CLDN2: variants seen among roughly 807,000 people sequenced by gnomAD.
CLDN2 encodes the protein claudin 2, also known as claudin-2.
In CLDN2, 1 loss-of-function variant was observed where a neutral mutation model predicts 8.2. The ratio of observed to expected loss-of-function variants is 0.12; its 90% CI spans 0.04 to 0.58. The LOEUF is 0.58. CLDN2 is among the 20% of genes least tolerant of loss of function. The pLI is 0.90. For missense variants in CLDN2, 108 were observed against 172.9 expected (o/e 0.62, Z 2.11); for synonymous variants, 70 against 70.2 (o/e 1.00, Z 0.01).
chrX:106,910,450 C>T (rs1200789309), intron 1 of CLDN2, among the ~76,000 whole-genome samples: 1 of 110,222 alleles, frequency 9.1e-6, no homozygotes. Context: ...TGCCTGTAAT[C>T]CCAGCACTTT....
Position 106,928,323 on chromosome X carries a change from C to A in CLDN2, c.95C>A (p.Thr32Lys). The A allele has an allele frequency of 8.3e-7, 1 of 1,211,937 alleles. No homozygotes were observed. Among genetic ancestry groups the A allele is most frequent in the Non-Finnish European group, 1.1e-6 (1 of 895,452 alleles). ...GCCATGCTGCTCCCCAGCTGGAAAA[C>A]AAGTTCTTATGTCGGTGCCAGCATT... ...LVAMLLPSWK[T>K]SSYVGASIVT... Residue 32 changes from threonine (T) to lysine (K), a missense_variant, in exon 2 of 2, where the codon ACA becomes AAA. By Grantham distance (78) the Thr-to-Lys change is moderately conservative. Transcript: ENST00000336803.
At chrX:106,927,937 T>TA (rs2147795566) in intron 1 of CLDN2, 114 bp from the exon 2 acceptor site, 1 of 225,042 alleles carries the variant, frequency 4.4e-6, no homozygotes, top group Admixed American at 8.1e-5. Flanking sequence ...TGTTTTTTTT[T>TA]TCCTTTCTCA....
chrX:106,929,174 T>C lies in CLDN2; in HGVS notation c.*253T>C, dbSNP rs1359444888. 5.0e-6 allele frequency: 2 copies of C among 399,483 alleles called. No individual in the cohort carries two copies. The highest frequency in any genetic ancestry group is 5.1e-5 in the African/African-American group (2 of 39,470). The allele number at this position is 399,483 out of a possible 1,213,427, so 32.9% of individuals were successfully genotyped here. On this transcript the variant is annotated 3_prime_UTR_variant, in exon 2 of 2. Transcript: ENST00000336803. The stretch of plus-strand genomic sequence containing the variant: ...CACCTTGCTGCTCCCCTGCCCTAAG[T>C]CCCCAACCCTCAACTTGAAACCCCA...
At chrX:106,914,953 T>C (rs1933293877), upstream of CLDN2, among the ~76,000 whole-genome samples, 1 of 111,974 alleles carries the variant, frequency 8.9e-6, no homozygotes, top group South Asian at 3.7e-4. Flanking sequence ...CATAGAATTA[T>C]GTAACAACAA....
chrX:106,900,711 A>T (rs772051193), intron 1 of CLDN2: 6 of 1,175,906 alleles, frequency 5.1e-6, no homozygotes, highest in Non-Finnish European at 6.8e-6. Flanking sequence ...GGACCCTGGT[A>T]CCCTCACACA....
intron 1 of CLDN2, among the ~76,000 whole-genome samples, chrX:106,927,763 C>T (rs1244576984): frequency 8.9e-6 from 1 of 112,074 alleles, no homozygotes; most frequent in African/African-American, 3.2e-5. Flanking sequence ...AAACAGCAGG[C>T]CTTGGAGACT....
At chrX:106,902,481 T>C (rs367981596) in intron 1 of CLDN2, among the ~76,000 whole-genome samples, 164 of 112,368 alleles carry the variant, frequency 1.5e-3, no homozygotes, top group African/African-American at 5.1e-3. Context: ...CGTATCTGAA[T>C]CCTCAACACC....
intron 1 of CLDN2, among the ~76,000 whole-genome samples, chrX:106,906,357 G>A (rs1268590023): frequency 9.0e-6 from 1 of 111,079 alleles, no homozygotes; most frequent in African/African-American, 3.3e-5. Context: ...CTTAGCGAAG[G>A]AGACAAGACC....
upstream of CLDN2, among the ~76,000 whole-genome samples, chrX:106,915,426 T>C (rs1179611336): frequency 1.8e-5 from 2 of 112,121 alleles, no homozygotes; most frequent in Non-Finnish European, 3.8e-5. Flanking sequence ...CAACATATGG[T>C]TTTCAAACTT....
At chrX:106,926,000 C>T (rs1336416571) in intron 1 of CLDN2, among the ~76,000 whole-genome samples, 1 of 111,428 alleles carries the variant, frequency 9.0e-6, no homozygotes, top group African/African-American at 3.3e-5. Flanking sequence ...AAGCAAAATT[C>T]GGTCTCAAAA....
intron 1 of CLDN2, chrX:106,900,799 T>C (rs752054313): frequency 8.3e-7 from 1 of 1,209,895 alleles, no homozygotes; most frequent in Non-Finnish European, 1.1e-6. Context: ...TCTTCTTCGC[T>C]GTCTGAGTCC....
At chrX:106,918,659 C>T (rs187024670), upstream of CLDN2, among the ~76,000 whole-genome samples, 2 of 112,128 alleles carry the variant, frequency 1.8e-5, no homozygotes. Context: ...CACAGTGAGA[C>T]CATGGATAGG....
upstream of CLDN2, chrX:106,918,299 T>TCCCTCCCACCCCTTCA (rs1347833960): frequency 1.8e-5 from 2 of 111,710 alleles, no homozygotes; most frequent in Admixed American, 9.5e-5. Context: ...TAGCCTGGTA[T>TCCCTCCCACCCCTTCA]CCCTCCCACC....
rs1933521924 is a variant in CLDN2, at chrX:106,929,732, C to T, written c.*811C>T. ...AAGCTCAGGTGGCAGCGGACTCTGA[C>T]TCCACTGAGGAACTGCCTCAGAAGC... On this transcript the variant is annotated 3_prime_UTR_variant, in exon 2 of 2. Transcript: ENST00000336803. 1 of 123,469 alleles carries T rather than the reference C, an allele frequency of 8.1e-6. No homozygotes were observed. The highest frequency in any genetic ancestry group is 9.4e-5 in the Admixed American group (1 of 10,587). The allele number at this position is 123,469 out of a possible 1,213,427, so 10.2% of individuals were successfully genotyped here.
intron 1 of CLDN2, among the ~76,000 whole-genome samples, chrX:106,902,392 A>T (rs1478740143): frequency 8.9e-6 from 1 of 111,736 alleles, no homozygotes; most frequent in African/African-American, 3.3e-5. Flanking sequence ...CAGCAATGTT[A>T]TTATTGCTTT....
intron 1 of CLDN2, chrX:106,901,477 A>G (rs1446733817): frequency 8.3e-7 from 1 of 1,210,950 alleles, no homozygotes; most frequent in Admixed American, 2.2e-5. Context: ...AGCTTACCTG[A>G]CAGGGTGATG....
chrX:106,901,793 G>C (rs1036280891), intron 1 of CLDN2, among the ~76,000 whole-genome samples: 9 of 111,344 alleles, frequency 8.1e-5, no homozygotes, highest in Non-Finnish European at 1.5e-4. Context: ...GCTCTCCAGG[G>C]GACAGTGTTC....
chrX:106,910,617 A>G (rs183100344), intron 1 of CLDN2, among the ~76,000 whole-genome samples: 1 of 110,165 alleles, frequency 9.1e-6, no homozygotes, highest in Non-Finnish European at 1.9e-5. Flanking sequence ...AGGCTGAAGC[A>G]GGAGAATCGC....
At chrX:106,900,607 G>C (rs1933075296) in intron 1 of CLDN2, 25 of 1,007,807 alleles carry the variant, frequency 2.5e-5, no homozygotes, top group Non-Finnish European at 3.2e-5. Context: ...GTGAAAACTT[G>C]CCAGACAAAC....
Sources: gnomAD v4.1 joint callset for allele counts (sites outside exome capture counted in the v4.1 genomes callset) on GRCh38, gnomAD v4.1.1 for gene constraint, MANE v1.5 for transcripts, NCBI Gene and HGNC (gene_info 2026-07-23, HGNC 2026-07-21) for gene names.